Variants in DOCK3 observed in about 807,000 individuals in gnomAD.
The protein encoded by DOCK3 is dedicator of cytokinesis 3, also known as dedicator of cytokinesis protein 3.
A neutral mutation model predicts 265.6 loss-of-function variants in DOCK3; 60 were observed. The observed-to-expected ratio is 0.23, with a 90% CI of 0.18 to 0.28. The LOEUF (loss-of-function observed/expected upper bound fraction) is 0.28, where lower values mean the gene tolerates loss of function less well. Ranked by LOEUF, DOCK3 falls within the 10% of genes least tolerant of loss-of-function variation. The probability of loss-of-function intolerance (pLI) is 1.00; values close to 1 mark genes in which losing one functional copy is unlikely to be tolerated. For missense variants in DOCK3, 1,981 were observed against 2,594.3 expected (o/e 0.76, Z 5.14); for synonymous variants, 881 against 938.0 (o/e 0.94, Z 1.11).
At chr3:50,941,600 T>C (rs2076297933) in intron 5 of DOCK3, among the ~76,000 whole-genome samples, 1 of 152,088 alleles carries the variant, frequency 6.6e-6, no homozygotes, top group Non-Finnish European at 1.5e-5. Flanking sequence ...GTTCACATAA[T>C]AGCTTTTACA....
chr3:50,786,859 G>T (rs1426116108), intron 2 of DOCK3: 5 of 739,106 alleles, frequency 6.8e-6, no homozygotes, highest in African/African-American at 3.4e-5. Context: ...CACAGTTCTC[G>T]CATCTGAAGG....
intron 3 of DOCK3, among the ~76,000 whole-genome samples, chr3:50,872,290 T>G (rs1290138201): frequency 1.3e-5 from 2 of 152,228 alleles, no homozygotes; most frequent in South Asian, 2.1e-4. Context: ...TTTTCAGACT[T>G]GTAGAGGGAC....
rs547522907 is a variant in DOCK3 at position 50,859,240 on chromosome 3, G to A, written c.162+17525G>A. ...TTTTTTTTTTTTTTTTTTTTGAGAC[G>A]GAATCTGACTCTGTCGCCAGGCTGG... On this transcript the variant is annotated intron_variant, in intron 3 of 52. Transcript: ENST00000266037. 7.6e-5 allele frequency among the ~76,000 whole-genome samples: 10 copies of A among 131,116 alleles called. No homozygotes were observed. The East Asian group carries it at 1.4e-3, about 18-fold the overall frequency. 86.0% of individuals were successfully genotyped at this position (131,116 alleles called of 152,430 possible). A position where few individuals can be genotyped will look rare whatever the true frequency, so the allele number is the denominator to read the frequency against.
At chr3:51,309,651 G>T (rs1576750304) in intron 27 of DOCK3, among the ~76,000 whole-genome samples, 3 of 119,464 alleles carry the variant, frequency 2.5e-5, no homozygotes, top group Admixed American at 2.5e-4. Flanking sequence ...GCGAGAGCGA[G>T]AGCTCTTTGT....
At chr3:50,852,902 A>G (rs2046409414) in intron 3 of DOCK3, among the ~76,000 whole-genome samples, 2 of 152,196 alleles carry the variant, frequency 1.3e-5, no homozygotes. Context: ...TTTTAAAAAA[A>G]TTGATATATC....
chr3:51,232,766 T>C (rs112027957), intron 19 of DOCK3, among the ~76,000 whole-genome samples: 6,626 of 152,312 alleles, frequency 0.044, 493 homozygotes, highest in African/African-American at 0.15. Context: ...TTGTAGATTC[T>C]GGATACTAAT....
chr3:51,324,261 A>G (rs1454840796), intron 32 of DOCK3, among the ~76,000 whole-genome samples: 1 of 152,262 alleles, frequency 6.6e-6, no homozygotes, highest in Non-Finnish European at 1.5e-5. Flanking sequence ...AAAAATCACA[A>G]GCATTCCTAT....
At chr3:50,921,251 T>A (rs930360453) in intron 4 of DOCK3, among the ~76,000 whole-genome samples, 2 of 152,190 alleles carry the variant, frequency 1.3e-5, no homozygotes, top group African/African-American at 4.8e-5. Context: ...GTTCATTTCT[T>A]TTTACTCTTT....
intron 2 of DOCK3, chr3:50,787,859 T>G: frequency 9.2e-7 from 1 of 1,090,650 alleles, no homozygotes; most frequent in Non-Finnish European, 1.4e-6. Flanking sequence ...CTCTTTGGAT[T>G]GAGAAGAGGT....
At position 51,159,255 on chromosome 3, in the gene DOCK3, C is replaced by A; in HGVS notation, c.840C>A (p.Ser280Arg). The stretch of plus-strand genomic sequence containing the variant: ...ATTTTTTCTCTTAGGATCTGAGCAG[C>A]AAAGATATGAAGAGAGATTTGTATA... ...RMCALFTDLS[S>R]KDMKRDLYIV... Residue 280 changes from serine to arginine, a missense_variant, in exon 11 of 53, where the codon AGC becomes AGA. Physicochemically the swap from Ser to Arg is moderately radical, Grantham distance 110 (BLOSUM62 -1). This residue lies in a region of DOCK3 where 456 missense variants were observed against 539.0 expected (regional missense o/e 0.85). Coordinates refer to ENST00000266037, the MANE Select transcript of DOCK3 (RefSeq NM_004947.5). 6.2e-7 allele frequency: 1 copy of A among 1,613,510 alleles called. No individual in the cohort carries two copies. The highest frequency in any genetic ancestry group is 2.2e-5 in the East Asian group (1 of 44,864).
chr3:50,873,953 T>G (rs2047562616), intron 3 of DOCK3, among the ~76,000 whole-genome samples: 1 of 152,090 alleles, frequency 6.6e-6, no homozygotes, highest in Non-Finnish European at 1.5e-5. Context: ...CAAAACTGTT[T>G]TTTCTACTTC....
chr3:51,079,674 GA>G (rs1253621579), intron 7 of DOCK3, among the ~76,000 whole-genome samples: 1 of 152,044 alleles, frequency 6.6e-6, no homozygotes, highest in East Asian at 1.9e-4. Flanking sequence ...TCTTTATGAT[GA>G]AAACCAGAGG....
intron 2 of DOCK3, among the ~76,000 whole-genome samples, chr3:50,827,509 A>G (rs1312240246): frequency 1.3e-5 from 2 of 152,168 alleles, no homozygotes; most frequent in Non-Finnish European, 2.9e-5. Flanking sequence ...ACCTTTTCAA[A>G]GGCTTGACAT....
intron 6 of DOCK3, among the ~76,000 whole-genome samples, chr3:51,070,777 G>C (rs1438132406): frequency 1.3e-5 from 2 of 152,124 alleles, no homozygotes; most frequent in East Asian, 3.9e-4. Context: ...CTGCACATCA[G>C]GAGGTGAGCT....
chr3:51,179,188 A>G (rs972246981), intron 12 of DOCK3, among the ~76,000 whole-genome samples: 20 of 152,218 alleles, frequency 1.3e-4, no homozygotes, highest in Admixed American at 1.2e-3. Flanking sequence ...TGAAACATTT[A>G]CAAAAATTGT....
intron 21 of DOCK3, 109 bp from the exon 22 acceptor site, chr3:51,246,617 C>A: frequency 1.0e-6 from 1 of 982,272 alleles, no homozygotes. Flanking sequence ...TCCTTTCTAG[C>A]TCATCAGCAG....
chr3:50,746,662 C>T (rs1037494148), intron 1 of DOCK3, among the ~76,000 whole-genome samples: 5 of 152,180 alleles, frequency 3.3e-5, no homozygotes, highest in Admixed American at 6.5e-5. Context: ...GGCATAGTGC[C>T]GGCATCTGCT....
At chr3:51,087,698 C>G (rs963988415) in intron 7 of DOCK3, among the ~76,000 whole-genome samples, 1 of 152,092 alleles carries the variant, frequency 6.6e-6, no homozygotes, top group Admixed American at 6.6e-5. Context: ...AATTGTTCCT[C>G]TTTGTAGATG....
Position 51,146,644 on chromosome 3 carries a change from C to G in DOCK3, c.828+14C>G. On this transcript the variant is annotated intron_variant, in intron 10 of 52. Coordinates refer to ENST00000266037, the MANE Select transcript of DOCK3 (RefSeq NM_004947.5). ...GCCCTTTTTACAGTATGTACGAATT[C>G]TCTTTTTCTTCTTTGCTGTTGACTC... 1 of 1,568,668 alleles carries G rather than the reference C, an allele frequency of 6.4e-7. No individual in the cohort carries two copies. The highest frequency in any genetic ancestry group is 8.7e-7 in the Non-Finnish European group (1 of 1,155,644).
Sources: gnomAD v4.1 joint callset for allele counts (sites outside exome capture counted in the v4.1 genomes callset) on GRCh38, gnomAD v4.1.1 for gene constraint, gnomAD v4.1.1 regional missense constraint, MANE v1.5 for transcripts, NCBI Gene and HGNC (gene_info 2026-07-23, HGNC 2026-07-21) for gene names.